Variants in GPC5 observed in about 807,000 individuals in gnomAD.
GPC5 encodes the protein glypican-5.
GPC5 carries 47 observed loss-of-function variants against 53.9 expected under a neutral mutation model. The observed-to-expected ratio is 0.87, with a 90% CI of 0.69 to 1.11. The LOEUF (loss-of-function observed/expected upper bound fraction) is 1.11, where lower values mean the gene tolerates loss of function less well. Among genes scored for constraint, GPC5 ranks in the 50% most tolerant of loss-of-function variants. The probability of loss-of-function intolerance (pLI) is 0.00; values close to 1 mark genes in which losing one functional copy is unlikely to be tolerated. For missense variants in GPC5, 748 were observed against 713.1 expected (o/e 1.05, Z -0.56); for synonymous variants, 286 against 263.3 (o/e 1.09, Z -0.84).
At chr13:92,613,334 T>TATTTATATATAATATAA (rs1566320041) in intron 7 of GPC5, among the ~76,000 whole-genome samples, 2 of 105,164 alleles carry the variant, frequency 1.9e-5, no homozygotes, top group African/African-American at 8.5e-5. Flanking sequence ...TTATATAATA[T>TATTTATATATAATATAA]AATATATTTA....
chr13:91,930,871 C>T (rs1422529668), intron 6 of GPC5, among the ~76,000 whole-genome samples: 1 of 152,018 alleles, frequency 6.6e-6, no homozygotes, highest in Non-Finnish European at 1.5e-5. Context: ...TATTGAAAAG[C>T]GTGATCTAAG....
At chr13:92,825,967 T>C (rs1346235216) in intron 7 of GPC5, among the ~76,000 whole-genome samples, 1 of 152,142 alleles carries the variant, frequency 6.6e-6, no homozygotes, top group African/African-American at 2.4e-5. Flanking sequence ...ATCTCTCCAT[T>C]CTTTCATGAG....
intron 7 of GPC5, among the ~76,000 whole-genome samples, chr13:92,280,504 T>G (rs1190454268): frequency 6.6e-6 from 1 of 152,198 alleles, no homozygotes; most frequent in African/African-American, 2.4e-5. Flanking sequence ...AAGTTTCCCT[T>G]CAAGCACTAC....
intron 2 of GPC5, among the ~76,000 whole-genome samples, chr13:91,562,188 TA>T (rs10603242): frequency 0.29 from 12,740 of 44,580 alleles, 1,294 homozygotes; most frequent in East Asian, 0.47. Context: ...GGAGCAACAG[TA>T]AAAAAAAAAA....
intron 6 of GPC5, among the ~76,000 whole-genome samples, chr13:92,083,112 C>G (rs1279530058): frequency 6.6e-6 from 1 of 152,094 alleles, no homozygotes; most frequent in African/African-American, 2.4e-5. Context: ...TATATAGATA[C>G]AATACAACTT....
chr13:92,191,262 A>G (rs2042220985), intron 7 of GPC5, among the ~76,000 whole-genome samples: 1 of 152,190 alleles, frequency 6.6e-6, no homozygotes, highest in South Asian at 2.1e-4. Flanking sequence ...CAGGTGGCAT[A>G]TAAGAATATA....
intron 7 of GPC5, among the ~76,000 whole-genome samples, chr13:92,742,529 G>T (rs1373358971): frequency 1.4e-5 from 2 of 146,870 alleles, no homozygotes; most frequent in Non-Finnish European, 3.0e-5. Flanking sequence ...CATGTTGTAG[G>T]TTGCCTGTTC....
At chr13:92,570,382 A>G (rs1174211326) in intron 7 of GPC5, among the ~76,000 whole-genome samples, 1 of 152,132 alleles carries the variant, frequency 6.6e-6, no homozygotes, top group East Asian at 1.9e-4. Flanking sequence ...GATCAAGTCA[A>G]TTATGATTTG....
At chr13:92,583,959 C>T (rs1231272857) in intron 7 of GPC5, among the ~76,000 whole-genome samples, 4 of 152,176 alleles carry the variant, frequency 2.6e-5, no homozygotes, top group Non-Finnish European at 4.4e-5. Flanking sequence ...CTTGCTCCTC[C>T]TTGCCTTCCA....
chr13:91,827,690 A>G (rs1182214401), intron 5 of GPC5, among the ~76,000 whole-genome samples: 1 of 152,098 alleles, frequency 6.6e-6, no homozygotes, highest in East Asian at 1.9e-4. Context: ...CTGAAATTAA[A>G]GACTTAAACT....
At chr13:92,016,808 A>G (rs946472745) in intron 6 of GPC5, among the ~76,000 whole-genome samples, 1 of 151,226 alleles carries the variant, frequency 6.6e-6, no homozygotes, top group Non-Finnish European at 1.5e-5. Flanking sequence ...GCTCACTGCA[A>G]CCTCCGCCTT....
intron 3 of GPC5, among the ~76,000 whole-genome samples, chr13:91,719,518 A>G (rs1227436007): frequency 6.6e-6 from 1 of 152,202 alleles, no homozygotes; most frequent in African/African-American, 2.4e-5. Flanking sequence ...GATATCTCAC[A>G]TTATGGTCAT....
At chr13:92,532,350 A>C (rs1881592532) in intron 7 of GPC5, among the ~76,000 whole-genome samples, 1 of 152,230 alleles carries the variant, frequency 6.6e-6, no homozygotes. Flanking sequence ...TCGTGAAAAC[A>C]AGCTAATCTC....
At chr13:91,986,190 C>G (rs142219888) in intron 6 of GPC5, among the ~76,000 whole-genome samples, 1 of 150,630 alleles carries the variant, frequency 6.6e-6, no homozygotes. Flanking sequence ...CTCAGCCTCC[C>G]GAGTATCTGG....
At chr13:92,029,134 C>G (rs939345507) in intron 6 of GPC5, among the ~76,000 whole-genome samples, 42 of 152,184 alleles carry the variant, frequency 2.8e-4, no homozygotes, top group African/African-American at 9.6e-4. Flanking sequence ...CTCAGTATCA[C>G]CGTTTAGAAA....
At chr13:92,602,837 T>C (rs1884124677) in intron 7 of GPC5, among the ~76,000 whole-genome samples, 1 of 149,618 alleles carries the variant, frequency 6.7e-6, no homozygotes, top group Non-Finnish European at 1.5e-5. Flanking sequence ...GTCCTTATAG[T>C]CATAGTTTTG....
intron 7 of GPC5, among the ~76,000 whole-genome samples, chr13:92,256,800 G>T (rs1203491603): frequency 2.7e-5 from 4 of 148,854 alleles, no homozygotes; most frequent in African/African-American, 9.9e-5. Context: ...TTCCCTCATC[G>T]TTTTGAAAAC....
intron 5 of GPC5, among the ~76,000 whole-genome samples, chr13:91,891,289 C>T (rs2039383210): frequency 1.3e-5 from 2 of 152,098 alleles, no homozygotes; most frequent in South Asian, 4.1e-4. Flanking sequence ...GAAGCTTCGC[C>T]AAGGCAGATT....
chr13:92,773,021 C>T (rs535030807), intron 7 of GPC5, among the ~76,000 whole-genome samples: 2 of 152,110 alleles, frequency 1.3e-5, no homozygotes, highest in Admixed American at 6.5e-5. Context: ...TTGGTATAGC[C>T]ATATTCCTTT....
Sources: gnomAD v4.1 joint callset for allele counts (sites outside exome capture counted in the v4.1 genomes callset) on GRCh38, gnomAD v4.1.1 for gene constraint, MANE v1.5 for transcripts, NCBI Gene and HGNC (gene_info 2026-07-23, HGNC 2026-07-21) for gene names.